The following TEX9 variants were observed in gnomAD, a reference collection of about 807,000 sequenced individuals.
TEX9 encodes testis expressed 9.
In TEX9, 74 loss-of-function variants were observed where a neutral mutation model predicts 59.6. The ratio of observed to expected loss-of-function variants is 1.24; its 90% CI spans 1.03 to 1.51. The LOEUF (loss-of-function observed/expected upper bound fraction) is 1.51. Ranked by LOEUF, TEX9 falls within the 40% of genes most tolerant of loss-of-function variation. The pLI is 0.00. For missense variants in TEX9, 522 were observed against 447.8 expected (o/e 1.17, Z -1.49); for synonymous variants, 186 against 152.2 (o/e 1.22, Z -1.64).
At chr15:56,430,755 A>G (rs1287723002) in intron 12 of TEX9, among the ~76,000 whole-genome samples, 2 of 152,132 alleles carry the variant, frequency 1.3e-5, no homozygotes, top group Admixed American at 6.5e-5. Context: ...CCATGTGCCT[A>G]TTACTGGTGT....
At chr15:56,379,710 T>G (rs182706586) in intron 3 of TEX9, among the ~76,000 whole-genome samples, 43 of 152,334 alleles carry the variant, frequency 2.8e-4, no homozygotes, top group African/African-American at 1.0e-3. Context: ...GCTTTATGTA[T>G]CTGGGTGCTC....
intron 11 of TEX9, 131 bp downstream of exon 11, chr15:56,427,870 A>G (rs186198323): frequency 9.6e-5 from 59 of 616,516 alleles, no homozygotes; most frequent in Admixed American, 6.9e-4. Context: ...CATCATACAT[A>G]TGAAATCATA....
At chr15:56,250,547 C>T (rs1241618660) in intron 1 of TEX9, among the ~76,000 whole-genome samples, 1 of 152,168 alleles carries the variant, frequency 6.6e-6, no homozygotes, top group African/African-American at 2.4e-5. Context: ...TCAAGCTAGT[C>T]TGAGGAGTTT....
rs567560578 is a variant in TEX9, at chr15:56,421,735, C to A, written c.964-5870C>A. On this transcript the variant is annotated intron_variant, in intron 10 of 12. Transcript: ENST00000352903. ...TGCGGTGTTTGGTTTTTTGTTCTTG[C>A]GATAGTTTGCTGAGAATGATGATTT... 1.8e-4 allele frequency: 27 copies of A among 151,644 alleles called. No individual in the cohort carries two copies. In the East Asian group the frequency reaches 5.0e-3, roughly 28 times the overall value. The allele number at this position is 151,644 out of a possible 1,614,324, so 9.4% of individuals were successfully genotyped here.
chr15:56,317,113 G>C lies in TEX9; in HGVS notation c.-106-56328G>C, dbSNP rs2045792935. Among the ~76,000 whole-genome samples the C allele has an allele frequency of 2.6e-5, 4 of 152,204 alleles. No homozygotes were observed. The South Asian group carries it at 8.3e-4, about 32-fold the overall frequency. ...GAAATGCGGAAATCACCCGTCTTCTGCGTCGCTCACGCTGGGAGCTGTAGA... is the reference window on the plus strand; with the variant it reads ...GAAATGCGGAAATCACCCGTCTTCTCCGTCGCTCACGCTGGGAGCTGTAGA... On this transcript the variant is annotated intron_variant, in intron 1 of 5. Transcript: ENST00000560827.
intron 1 of TEX9, among the ~76,000 whole-genome samples, chr15:56,327,809 C>T (rs2046054854): frequency 6.6e-6 from 1 of 152,140 alleles, no homozygotes; most frequent in South Asian, 2.1e-4. Context: ...AGCCAGAGGG[C>T]AAACACCCAT....
chr15:56,266,135 T>TA (rs1347348567), intron 1 of TEX9, among the ~76,000 whole-genome samples: 2 of 148,414 alleles, frequency 1.3e-5, no homozygotes, highest in African/African-American at 4.9e-5. Flanking sequence ...AATTTCTCTC[T>TA]TTTTTTTTTG....
intron 1 of TEX9, among the ~76,000 whole-genome samples, chr15:56,324,555 T>G (rs543461875): frequency 1.3e-5 from 2 of 152,334 alleles, no homozygotes; most frequent in African/African-American, 2.4e-5. Flanking sequence ...TGGTAAAATA[T>G]ATAGTATTCT....
downstream of TEX9, among the ~76,000 whole-genome samples, chr15:56,446,420 C>T (rs191001953): frequency 1.3e-4 from 20 of 151,958 alleles, no homozygotes; most frequent in South Asian, 4.1e-4. Flanking sequence ...CAGAGAGAAA[C>T]ATGAGAAAAA....
chr15:56,431,403 A>G (rs1404295408), intron 12 of TEX9: 2 of 1,613,384 alleles, frequency 1.2e-6, no homozygotes, highest in East Asian at 4.5e-5. Flanking sequence ...AGTTTGTAGC[A>G]TGCTCTTTAA....
intron 1 of TEX9, among the ~76,000 whole-genome samples, chr15:56,245,364 C>G (rs1375087482): frequency 6.6e-6 from 1 of 152,322 alleles, no homozygotes; most frequent in South Asian, 2.1e-4. Context: ...CCCCCGCCCC[C>G]GGGGCCTCTT....
At chr15:56,245,111 G>T (rs144981621) in intron 1 of TEX9, among the ~76,000 whole-genome samples, 166 of 152,234 alleles carry the variant, frequency 1.1e-3, no homozygotes, top group African/African-American at 3.8e-3. Context: ...TGTGGACTTT[G>T]GGCTGTGGGG....
At chr15:56,320,453 A>G (rs1005094577) in intron 1 of TEX9, among the ~76,000 whole-genome samples, 8 of 152,114 alleles carry the variant, frequency 5.3e-5, no homozygotes, top group African/African-American at 1.2e-4. Flanking sequence ...ATGTCCTTAC[A>G]TGACCTTTCT....
rs778881091 is a variant in TEX9, at chr15:56,427,761, AATC to A, written c.1098+28_1098+30del. On this transcript the variant is annotated intron_variant, in intron 11 of 12. Transcript: ENST00000352903. Reference sequence around the variant, plus strand: ...AAAGGTGAGTCTATCATTAAAGTTAAATCATCATATTATTTGTAACTTTCTTAC... The same window carrying A: ...AAAGGTGAGTCTATCATTAAAGTTAAATCATATTATTTGTAACTTTCTTAC... 15 of 1,421,638 alleles carry A rather than the reference AATC, an allele frequency of 1.1e-5. No homozygotes were observed. In the African/African-American group the frequency reaches 1.2e-4, roughly 11 times the overall value. 88.1% of individuals were successfully genotyped at this position (1,421,638 alleles called of 1,614,324 possible).
chr15:56,330,893 A>G (rs763962362), intron 1 of TEX9, among the ~76,000 whole-genome samples: 1 of 152,200 alleles, frequency 6.6e-6, no homozygotes, highest in Non-Finnish European at 1.5e-5. Context: ...ATAGGACCCA[A>G]TGATCTGTTG....
intron 1 of TEX9, among the ~76,000 whole-genome samples, chr15:56,347,894 A>G (rs1456055679): frequency 6.6e-6 from 1 of 152,084 alleles, no homozygotes; most frequent in African/African-American, 2.4e-5. Context: ...TAGAACATAT[A>G]ATGAGCTCTT....
At chr15:56,362,161 A>G (rs78701730), upstream of TEX9, among the ~76,000 whole-genome samples, 1,393 of 152,340 alleles carry the variant, frequency 9.1e-3, 26 homozygotes, top group African/African-American at 0.031. Context: ...ATAAATGTCA[A>G]TTAGATCAAG....
At chr15:56,296,698 T>C (rs930207102) in intron 1 of TEX9, among the ~76,000 whole-genome samples, 6 of 152,244 alleles carry the variant, frequency 3.9e-5, no homozygotes, top group African/African-American at 1.4e-4. Flanking sequence ...GTCTTTGGAA[T>C]GCTTTTGCCC....
At chr15:56,459,697 T>C in the TEX9 span, among the ~76,000 whole-genome samples, 3 of 151,778 alleles carry the variant, frequency 2.0e-5, no homozygotes, top group African/African-American at 4.8e-5. Context: ...GAAGAAACAA[T>C]GACTGGCTGG....
Sources: allele counts gnomAD v4.1 joint callset (sites outside exome capture counted in the v4.1 genomes callset), GRCh38; gene constraint gnomAD v4.1.1; transcripts MANE v1.5; gene names NCBI Gene and HGNC (gene_info 2026-07-23, HGNC 2026-07-21).